Variants in ERC2 observed in about 807,000 individuals in gnomAD.
ERC2 encodes ELKS/RAB6-interacting/CAST family member 2, also known as ERC protein 2.
A neutral mutation model predicts 114.8 loss-of-function variants in ERC2; 42 were observed. The ratio of observed to expected loss-of-function variants is 0.37; its 90% CI spans 0.29 to 0.47. ERC2 has a LOEUF of 0.47. ERC2 is among the 20% of genes least tolerant of loss of function. The probability of loss-of-function intolerance (pLI) is 0.99; values close to 1 mark genes in which losing one functional copy is unlikely to be tolerated. For synonymous variants in ERC2, 454 were observed against 425.5 expected (o/e 1.07, Z -0.82); for missense variants, 939 against 1,150.7 (o/e 0.82, Z 2.66).
chr3:55,582,177 T>A (rs1362711339), intron 17 of ERC2, among the ~76,000 whole-genome samples: 1 of 152,202 alleles, frequency 6.6e-6, no homozygotes, highest in African/African-American at 2.4e-5. Context: ...TGGGCCCCAG[T>A]AACATCCTGC....
At chr3:55,702,051 T>C (rs916368380) in intron 15 of ERC2, among the ~76,000 whole-genome samples, 1 of 152,174 alleles carries the variant, frequency 6.6e-6, no homozygotes, top group African/African-American at 2.4e-5. Flanking sequence ...TTTTATGAGA[T>C]TATTTTCTTA....
chr3:56,146,149 A>T (rs1250290697), intron 5 of ERC2, among the ~76,000 whole-genome samples: 1 of 152,042 alleles, frequency 6.6e-6, no homozygotes, highest in Non-Finnish European at 1.5e-5. Context: ...AATAGCTGGC[A>T]TGGTGGTGTG....
chr3:56,026,330 A>G (rs2074051999), intron 7 of ERC2, among the ~76,000 whole-genome samples: 1 of 152,192 alleles, frequency 6.6e-6, no homozygotes, highest in African/African-American at 2.4e-5. Flanking sequence ...GATTAGAGGC[A>G]TGGGCTGCCG....
intron 15 of ERC2, among the ~76,000 whole-genome samples, chr3:55,727,536 A>C (rs952992868): frequency 6.6e-5 from 10 of 152,310 alleles, no homozygotes; most frequent in African/African-American, 2.2e-4. Context: ...CCTAGAACTA[A>C]CCCAAATGTC....
intron 17 of ERC2, among the ~76,000 whole-genome samples, chr3:55,593,700 T>A (rs145633058): frequency 3.9e-5 from 6 of 152,290 alleles, no homozygotes; most frequent in African/African-American, 1.2e-4. Context: ...AATGAATTCC[T>A]CCTTATACTT....
rs746964819 is a variant in ERC2, at chr3:55,528,823, C to T, written c.*40-17547G>A. Among the ~76,000 whole-genome samples, 36 of 152,170 alleles carry T rather than the reference C, an allele frequency of 2.4e-4. 2 individuals carry two copies. The highest frequency in any genetic ancestry group is 2.2e-3 in the Admixed American group (33 of 15,280). ...TCCCTGGCCTCCACCCACTCAGATG[C>T]CAGTAGTACCCTAGTTTGATAACGA... On this transcript the variant is annotated intron_variant, in intron 17 of 17. Transcript: ENST00000288221.
chr3:56,266,045 T>TAAAATAAAATAAAAC (rs1560487712), intron 3 of ERC2, among the ~76,000 whole-genome samples: 4 of 61,110 alleles, frequency 6.5e-5, no homozygotes, highest in African/African-American at 2.4e-4. Context: ...TAAAATAAAA[T>TAAAATAAAATAAAAC]AAAATAAAAT....
chr3:55,854,964 T>C (rs1443871472), intron 14 of ERC2, among the ~76,000 whole-genome samples: 1 of 152,160 alleles, frequency 6.6e-6, no homozygotes, highest in Non-Finnish European at 1.5e-5. Flanking sequence ...GATGTGGGTC[T>C]TAAAGTTTTC....
chr3:56,240,446 C>A (rs1213675355), intron 3 of ERC2, among the ~76,000 whole-genome samples: 4 of 152,134 alleles, frequency 2.6e-5, no homozygotes, highest in Admixed American at 2.6e-4. Context: ...TCAGAATCTT[C>A]ATGTCTAGTA....
chr3:55,962,399 C>A lies in ERC2; in HGVS notation c.2268-11839G>T, dbSNP rs558802639. 4.6e-5 allele frequency among the ~76,000 whole-genome samples: 7 copies of A among 152,288 alleles called. No individual in the cohort carries two copies. In the East Asian group the frequency reaches 1.4e-3, roughly 29 times the overall value. The stretch of plus-strand genomic sequence containing the variant: ...CTTTCTCATGTAGTACAAAAGTAGC[C>A]ACAGACAATATATACACTAATATAT... On this transcript the variant is annotated intron_variant, in intron 12 of 17. Transcript: ENST00000288221.
Position 55,525,318 on chromosome 3 carries a change from G to A in ERC2, c.*40-14042C>T, listed in dbSNP as rs186108640. 5.2e-4 allele frequency among the ~76,000 whole-genome samples: 79 copies of A among 152,332 alleles called. No individual in the cohort carries two copies. The South Asian group carries it at 0.015, about 30-fold the overall frequency. Reference sequence around the variant, plus strand: ...AGCCATGGGCCAGGACTGGGGATTTGAGGGGGAGTAGGACATAAACCCTAA... The same window carrying A: ...AGCCATGGGCCAGGACTGGGGATTTAAGGGGGAGTAGGACATAAACCCTAA... On this transcript the variant is annotated intron_variant, in intron 17 of 17. Transcript: ENST00000288221.
Position 55,819,117 on chromosome 3 carries a change from C to T in ERC2, c.2564+69272G>A, listed in dbSNP as rs531274428. On this transcript the variant is annotated intron_variant, in intron 14 of 17. Transcript: ENST00000288221. ...AAAGTAAATGCATTCAAATAAACATCTTTTGGTGCCAGAAATGCCATGGGC... is the reference window on the plus strand; with the variant it reads ...AAAGTAAATGCATTCAAATAAACATTTTTTGGTGCCAGAAATGCCATGGGC... Among the ~76,000 whole-genome samples, 16 of 152,310 alleles carry T rather than the reference C, an allele frequency of 1.1e-4. No homozygotes were observed. The East Asian group carries it at 3.1e-3, about 29-fold the overall frequency.
rs145669184 is a variant in ERC2 at position 55,933,131 on chromosome 3, C to T, written c.2403+17294G>A. On this transcript the variant is annotated intron_variant, in intron 13 of 17. Transcript: ENST00000288221. ...GGCTGAGGCAGGAGAATAGCTTGAA[C>T]CTGGGAGGTGGAGGCTGCAGTGAGT... Among the ~76,000 whole-genome samples the T allele has an allele frequency of 1.7e-4, 26 of 151,866 alleles. No individual in the cohort carries two copies. In the East Asian group the frequency reaches 2.3e-3, roughly 14 times the overall value.
At chr3:56,078,393 A>C (rs1012367521) in intron 7 of ERC2, among the ~76,000 whole-genome samples, 4 of 152,218 alleles carry the variant, frequency 2.6e-5, no homozygotes, top group Admixed American at 6.5e-5. Context: ...TCTGTACATG[A>C]ATGTACCATT....
At chr3:56,092,177 A>G (rs944683233) in intron 6 of ERC2, among the ~76,000 whole-genome samples, 2 of 152,184 alleles carry the variant, frequency 1.3e-5, no homozygotes, top group Admixed American at 6.5e-5. Flanking sequence ...TTAAGTTACA[A>G]TCACCAACTT....
At chr3:56,360,800 C>T (rs1358894713) in intron 2 of ERC2, among the ~76,000 whole-genome samples, 1 of 152,100 alleles carries the variant, frequency 6.6e-6, no homozygotes, top group Non-Finnish European at 1.5e-5. Flanking sequence ...CCCAGCTACT[C>T]AGGAGGCTGA....
At chr3:55,917,129 G>A (rs2065144615) in intron 13 of ERC2, among the ~76,000 whole-genome samples, 1 of 152,108 alleles carries the variant, frequency 6.6e-6, no homozygotes. Context: ...CATCATGAAG[G>A]TCCCCTGTTG....
intron 14 of ERC2, among the ~76,000 whole-genome samples, chr3:55,832,943 G>T (rs987561298): frequency 6.6e-6 from 1 of 151,996 alleles, no homozygotes; most frequent in East Asian, 1.9e-4. Flanking sequence ...GCCAAGGCTC[G>T]AGAACTACAT....
intron 2 of ERC2, among the ~76,000 whole-genome samples, chr3:56,391,860 A>G (rs2060141133): frequency 6.6e-6 from 1 of 152,162 alleles, no homozygotes; most frequent in Non-Finnish European, 1.5e-5. Context: ...CTTTAGGGAA[A>G]ACATTAAAAA....
Sources: allele counts gnomAD v4.1 joint callset (sites outside exome capture counted in the v4.1 genomes callset), GRCh38; gene constraint gnomAD v4.1.1; transcripts MANE v1.5; gene names NCBI Gene and HGNC (gene_info 2026-07-23, HGNC 2026-07-21).